The following KALRN variants were observed in gnomAD, a reference collection of about 807,000 sequenced individuals.
KALRN encodes the protein kalirin RhoGEF kinase, also known as kalirin.
In KALRN, 70 loss-of-function variants were observed where a neutral mutation model predicts 353.7. The ratio of observed to expected loss-of-function variants is 0.20; its 90% CI spans 0.16 to 0.24. The LOEUF (loss-of-function observed/expected upper bound fraction) is 0.24. Among genes scored for constraint, KALRN ranks in the 10% least tolerant of loss-of-function variants. KALRN has a pLI of 1.00. For synonymous variants in KALRN, 1,391 were observed against 1,434.8 expected (o/e 0.97, Z 0.69); for missense variants, 2,791 against 3,756.7 (o/e 0.74, Z 6.72).
chr3:124,093,664 A>G (rs2061256410), intron 1 of KALRN, among the ~76,000 whole-genome samples: 1 of 152,238 alleles, frequency 6.6e-6, no homozygotes, highest in Non-Finnish European at 1.5e-5. Context: ...CTAGTTAGTA[A>G]TCACTCGAGT....
chr3:124,061,878 T>A (rs945115845), intron 1 of KALRN, among the ~76,000 whole-genome samples: 6 of 152,200 alleles, frequency 3.9e-5, no homozygotes, highest in African/African-American at 1.4e-4. Context: ...GACCACATTC[T>A]ATGGCACAAG....
In KALRN at chr3:124,430,897, T is replaced by C. The variant is rs190140271; in HGVS notation, c.2829+122T>C. On this transcript the variant is annotated intron_variant, in intron 16 of 59. Coordinates refer to ENST00000682506, the MANE Select transcript of KALRN (RefSeq NM_001388419.1). Reference sequence around the variant, plus strand: ...GAAGGCTGTACCCCTTCTAGTAGAATGGTCCAGGGAGCCTTCCTCTTACCC... The same window carrying C: ...GAAGGCTGTACCCCTTCTAGTAGAACGGTCCAGGGAGCCTTCCTCTTACCC... The C allele has an allele frequency of 4.9e-5, 60 of 1,232,150 alleles. No individual in the cohort carries two copies. The African/African-American group carries it at 8.0e-4, about 16-fold the overall frequency. 76.3% of individuals were successfully genotyped at this position (1,232,150 alleles called of 1,614,324 possible).
At chr3:124,274,822 C>T (rs1560431701) in intron 5 of KALRN, among the ~76,000 whole-genome samples, 1 of 152,098 alleles carries the variant, frequency 6.6e-6, no homozygotes, top group East Asian at 1.9e-4. Flanking sequence ...CTGCCTTTAC[C>T]ACTACAGGAA....
intron 14 of KALRN, among the ~76,000 whole-genome samples, 158 bp downstream of exon 14, chr3:124,413,823 A>C (rs2092336313): frequency 6.6e-6 from 1 of 152,192 alleles, no homozygotes; most frequent in Non-Finnish European, 1.5e-5. Context: ...AAAGGAAACG[A>C]GGCCAGGTGT....
intron 55 of KALRN, among the ~76,000 whole-genome samples, chr3:124,699,031 C>T (rs144867788): frequency 4.9e-4 from 74 of 152,256 alleles, no homozygotes; most frequent in Middle Eastern, 3.4e-3. Context: ...CCCTATCCCC[C>T]GAACCAAAAC....
intron 21 of KALRN, among the ~76,000 whole-genome samples, chr3:124,452,297 C>T (rs540336530): frequency 6.6e-6 from 1 of 152,228 alleles, no homozygotes; most frequent in Non-Finnish European, 1.5e-5. Context: ...GCTTTACTCA[C>T]CTCCAAACAC....
At chr3:124,454,083 T>C (rs1429170691) in intron 21 of KALRN, among the ~76,000 whole-genome samples, 1 of 152,248 alleles carries the variant, frequency 6.6e-6, no homozygotes, top group Non-Finnish European at 1.5e-5. Flanking sequence ...AGTTCTACTT[T>C]ACCTAGTCCT....
chr3:124,134,322 AC>A (rs1308427718), intron 1 of KALRN, among the ~76,000 whole-genome samples: 1 of 152,200 alleles, frequency 6.6e-6, no homozygotes, highest in African/African-American at 2.4e-5. Context: ...ATAATTGACT[AC>A]CCACATGTAG....
At chr3:124,330,279 CA>C (rs1193951878) in intron 8 of KALRN, among the ~76,000 whole-genome samples, 2 of 150,966 alleles carry the variant, frequency 1.3e-5, no homozygotes, top group African/African-American at 2.5e-5. Flanking sequence ...CACACACACA[CA>C]CACACACCCC....
intron 9 of KALRN, among the ~76,000 whole-genome samples, chr3:124,336,945 T>C (rs60677320): frequency 0.014 from 2,190 of 152,246 alleles, 45 homozygotes; most frequent in African/African-American, 0.049. Context: ...CTATTATTGG[T>C]TTACAGGAAT....
chr3:124,209,320 C>T (rs1175022649), intron 1 of KALRN, among the ~76,000 whole-genome samples: 1 of 151,764 alleles, frequency 6.6e-6, no homozygotes, highest in Non-Finnish European at 1.5e-5. Flanking sequence ...GCCTGGGCAA[C>T]ATGGCAAAAC....
chr3:124,632,997 C>T (rs1452783047), intron 35 of KALRN, among the ~76,000 whole-genome samples: 1 of 152,170 alleles, frequency 6.6e-6, no homozygotes. Flanking sequence ...CTAAGGACTA[C>T]ATTAAAACCA....
intron 14 of KALRN, among the ~76,000 whole-genome samples, chr3:124,414,688 A>G (rs1001439268): frequency 6.6e-6 from 1 of 152,174 alleles, no homozygotes; most frequent in African/African-American, 2.4e-5. Context: ...TTGAGAAGAA[A>G]AGAAGTCACA....
chr3:124,291,964 T>C (rs1311719178), intron 5 of KALRN, among the ~76,000 whole-genome samples: 1 of 152,202 alleles, frequency 6.6e-6, no homozygotes, highest in Non-Finnish European at 1.5e-5. Context: ...GTCCGTGTAA[T>C]GATCTCTTCA....
chr3:124,312,577 C>T (rs1461728897), intron 6 of KALRN, among the ~76,000 whole-genome samples: 1 of 152,170 alleles, frequency 6.6e-6, no homozygotes, highest in East Asian at 1.9e-4. Flanking sequence ...ATATAACCTT[C>T]CTAAACATTA....
chr3:124,234,696 A>G (rs961916204), intron 2 of KALRN, 133 bp from the exon 3 acceptor site: 13 of 679,412 alleles, frequency 1.9e-5, no homozygotes, highest in African/African-American at 3.6e-5. Context: ...ACCTTGTCCT[A>G]AGCAGTGACC....
chr3:124,189,807 C>T (rs1379611762), intron 1 of KALRN, among the ~76,000 whole-genome samples: 3 of 152,020 alleles, frequency 2.0e-5, no homozygotes, highest in Non-Finnish European at 2.9e-5. Context: ...GGTGTGGTGG[C>T]ATGCGCCTGT....
chr3:124,488,123 T>C (rs1416872128), intron 28 of KALRN, 81 bp from the exon 29 acceptor site: 2 of 808,380 alleles, frequency 2.5e-6, no homozygotes, highest in Non-Finnish European at 4.2e-6. Flanking sequence ...GAAGCTGGTC[T>C]ATAATTTCCT....
chr3:124,593,641 G>A (rs1354475207), intron 34 of KALRN, among the ~76,000 whole-genome samples: 2 of 152,128 alleles, frequency 1.3e-5, no homozygotes, highest in African/African-American at 4.8e-5. Context: ...CATAATGGAA[G>A]GCTCCCTGTG....
Sources: allele counts gnomAD v4.1 joint callset (sites outside exome capture counted in the v4.1 genomes callset), GRCh38; gene constraint gnomAD v4.1.1; transcripts MANE v1.5; gene names NCBI Gene and HGNC (gene_info 2026-07-23, HGNC 2026-07-21).